The following SLC30A8 variants were observed in gnomAD, a reference collection of about 807,000 sequenced individuals.
The protein encoded by SLC30A8 is solute carrier family 30 member 8.
Under a neutral mutation model 36.9 loss-of-function variants are expected in SLC30A8, and 27 were observed. The observed-to-expected ratio is 0.73, with a 90% CI of 0.54 to 1.01. The LOEUF (loss-of-function observed/expected upper bound fraction) is 1.01. Ranked by LOEUF, SLC30A8 falls within the 50% of genes least tolerant of loss-of-function variation. SLC30A8 has a pLI of 0.00. For synonymous variants in SLC30A8, 164 were observed against 172.4 expected, an observed-to-expected ratio of 0.95 and a Z score of 0.38; for missense variants, 439 against 452.0, an observed-to-expected ratio of 0.97 and a Z score of 0.26.
At position 116,994,895 on chromosome 8, in the gene SLC30A8, A is replaced by G. The variant is rs533693380; in HGVS notation, c.-266+43776A>G. Among the ~76,000 whole-genome samples the G allele has an allele frequency of 4.6e-5, 7 of 152,228 alleles. No homozygotes were observed. In the South Asian group the frequency reaches 1.4e-3, roughly 32 times the overall value. On this transcript the variant is annotated intron_variant, in intron 1 of 10. Transcript: ENST00000427715. The stretch of plus-strand genomic sequence containing the variant: ...GTAGAGGAAGGGCTCTTTTTAAATT[A>G]ATTATGCATCTGATTATGGAAGAAG...
At chr8:117,172,435 C>G in intron 7 of SLC30A8, 101 bp from the exon 8 acceptor site, 1 of 1,515,306 alleles carries the variant, frequency 6.6e-7, no homozygotes, top group Non-Finnish European at 9.1e-7. Context: ...GCCTCTGCCC[C>G]ACCCCAGCAG....
chr8:116,971,390 A>G (rs574315567), intron 1 of SLC30A8, among the ~76,000 whole-genome samples: 7 of 152,074 alleles, frequency 4.6e-5, no homozygotes, highest in Non-Finnish European at 8.8e-5. Context: ...TGACTTCTAC[A>G]CAATTCGATT....
At chr8:116,998,987 C>T (rs927905503) in intron 1 of SLC30A8, among the ~76,000 whole-genome samples, 18 of 152,300 alleles carry the variant, frequency 1.2e-4, no homozygotes, top group East Asian at 9.7e-4. Flanking sequence ...ATATGGGCCA[C>T]GCGTGGTGGC....
chr8:117,165,649 C>T (rs1182636354), intron 6 of SLC30A8, among the ~76,000 whole-genome samples: 3 of 152,052 alleles, frequency 2.0e-5, no homozygotes, highest in Admixed American at 6.6e-5. Context: ...CTAGTCCCCC[C>T]GGTAAGAAAG....
chr8:117,110,828 C>T (rs540752449), intron 2 of SLC30A8, among the ~76,000 whole-genome samples: 31 of 152,200 alleles, frequency 2.0e-4, no homozygotes, highest in African/African-American at 5.5e-4. Flanking sequence ...ACAATAGCCC[C>T]GAGAGATGAG....
rs1352547111 is a variant in SLC30A8 at position 117,174,235 on chromosome 8, A to ATAAT, written c.*1556_*1559dup. 6.6e-6 allele frequency: 1 copy of ATAAT among 152,158 alleles called. No individual in the cohort carries two copies. Among genetic ancestry groups the ATAAT allele is most frequent in the African/African-American group, 2.4e-5 (1 of 41,468 alleles). The allele number at this position is 152,158 out of a possible 1,614,324, so 9.4% of individuals were successfully genotyped here. On this transcript the variant is annotated 3_prime_UTR_variant, in exon 8 of 8. Transcript: ENST00000456015. The stretch of plus-strand genomic sequence containing the variant: ...GGTACTAGAAACCTAGCAGGCATTA[A>ATAAT]TAATTGTTGAGGCAATGACTCTGAG...
intron 2 of SLC30A8, among the ~76,000 whole-genome samples, chr8:117,102,563 G>A (rs924357922): frequency 7.9e-5 from 12 of 152,052 alleles, no homozygotes; most frequent in Non-Finnish European, 1.8e-4. Flanking sequence ...CCCAGTTCTG[G>A]ACTCTAGAAG....
At chr8:117,080,365 C>T (rs1433672064) in intron 2 of SLC30A8, among the ~76,000 whole-genome samples, 6 of 151,902 alleles carry the variant, frequency 3.9e-5, no homozygotes, top group African/African-American at 1.2e-4. Context: ...GGGATACACA[C>T]GTATCCCCTG....
chr8:117,090,898 T>C (rs749258814), intron 2 of SLC30A8, among the ~76,000 whole-genome samples: 16 of 152,214 alleles, frequency 1.1e-4, no homozygotes, highest in Non-Finnish European at 1.8e-4. Context: ...CAATGTCTTA[T>C]TGGTTTTATT....
chr8:117,091,200 T>C (rs1819108674), intron 2 of SLC30A8, among the ~76,000 whole-genome samples: 2 of 152,074 alleles, frequency 1.3e-5, no homozygotes, highest in South Asian at 4.1e-4. Context: ...CTTCAATGAG[T>C]GCAAGGGACA....
intron 2 of SLC30A8, among the ~76,000 whole-genome samples, chr8:117,092,015 A>C (rs11992440): frequency 0.1 from 15,164 of 152,226 alleles, 1,275 homozygotes; most frequent in African/African-American, 0.23. Context: ...TATTATGCTG[A>C]AAATGATGAC....
intron 2 of SLC30A8, among the ~76,000 whole-genome samples, chr8:117,079,097 C>T (rs1447997817): frequency 6.6e-5 from 10 of 151,866 alleles, no homozygotes; most frequent in East Asian, 3.9e-4. Context: ...CTGCAACTTT[C>T]GCCTCCCCGG....
At chr8:116,965,876 T>A (rs1418690655) in intron 1 of SLC30A8, among the ~76,000 whole-genome samples, 1 of 147,404 alleles carries the variant, frequency 6.8e-6, no homozygotes, top group Non-Finnish European at 1.5e-5. Flanking sequence ...TATTTTTAAT[T>A]TTTTTTAATT....
chr8:117,000,648 A>C (rs1185067267), intron 1 of SLC30A8, among the ~76,000 whole-genome samples: 1 of 152,178 alleles, frequency 6.6e-6, no homozygotes, highest in Non-Finnish European at 1.5e-5. Context: ...AAAAAGAAAA[A>C]GCAATACAAG....
intron 1 of SLC30A8, among the ~76,000 whole-genome samples, chr8:116,965,265 G>C (rs72685358): frequency 0.21 from 31,576 of 152,104 alleles, 4,031 homozygotes; most frequent in East Asian, 0.32. Flanking sequence ...CATTTTGGAA[G>C]CGAAGAAAGT....
intron 2 of SLC30A8, among the ~76,000 whole-genome samples, chr8:117,129,438 T>C (rs1821043534): frequency 6.6e-6 from 1 of 152,082 alleles, no homozygotes; most frequent in Non-Finnish European, 1.5e-5. Flanking sequence ...ATTTTAATCA[T>C]AGAATTGATT....
intron 2 of SLC30A8, among the ~76,000 whole-genome samples, chr8:117,120,607 G>T (rs1355766144): frequency 6.6e-6 from 1 of 151,754 alleles, no homozygotes; most frequent in African/African-American, 2.4e-5. Context: ...GGACTAGTGG[G>T]ACTACATCAA....
intron 5 of SLC30A8, among the ~76,000 whole-genome samples, chr8:117,162,207 T>C (rs1343139043): frequency 1.3e-5 from 2 of 152,352 alleles, no homozygotes; most frequent in African/African-American, 2.4e-5. Flanking sequence ...AATTTTGATA[T>C]CTAGGTTTTA....
At chr8:117,068,766 G>A (rs1199456900) in intron 2 of SLC30A8, among the ~76,000 whole-genome samples, 11 of 151,924 alleles carry the variant, frequency 7.2e-5, no homozygotes, top group African/African-American at 1.9e-4. Flanking sequence ...TAGTAGAGAC[G>A]GGGTTTCACT....
Sources: gnomAD v4.1 joint callset for allele counts (sites outside exome capture counted in the v4.1 genomes callset) on GRCh38, gnomAD v4.1.1 for gene constraint, MANE v1.5 for transcripts, NCBI Gene and HGNC (gene_info 2026-07-23, HGNC 2026-07-21) for gene names.